The following ENTPD1 variants were observed in gnomAD, a reference collection of about 807,000 sequenced individuals.
The protein encoded by ENTPD1 is ATP diphosphohydrolase.
ENTPD1 carries 33 observed loss-of-function variants against 57.0 expected under a neutral mutation model. That is an observed-to-expected ratio of 0.58 (90% CI 0.44 to 0.77). ENTPD1 has a LOEUF of 0.77. ENTPD1 is among the 30% of genes least tolerant of loss of function. The pLI, the probability that ENTPD1 is intolerant of heterozygous loss-of-function variation, is 0.00. For missense variants in ENTPD1, 501 were observed against 603.4 expected, an observed-to-expected ratio of 0.83 and a Z score of 1.78; for synonymous variants, 202 against 218.8, an observed-to-expected ratio of 0.92 and a Z score of 0.68.
chr10:95,871,834 TA>T lies in ENTPD1; in HGVS notation c.*5453del, dbSNP rs901095298. The T allele has an allele frequency of 1.0e-6, 1 of 985,312 alleles. No individual in the cohort carries two copies. Among genetic ancestry groups the T allele is most frequent in the Admixed American group, 6.1e-5 (1 of 16,264 alleles). 61.0% of individuals were successfully genotyped at this position (985,312 alleles called of 1,614,324 possible). ...TCAGAGAACATGTATTAGTCAATGG[TA>T]AGTAAGATACTCTCATCTAAGAAAT... On this transcript the variant is annotated 3_prime_UTR_variant, in exon 10 of 10. Coordinates refer to ENST00000371205, the MANE Select transcript of ENTPD1 (RefSeq NM_001776.6).
At chr10:95,699,327 G>A in the ENTPD1 span, among the ~76,000 whole-genome samples, 1 of 152,150 alleles carries the variant, frequency 6.6e-6, no homozygotes, top group Non-Finnish European at 1.5e-5. Flanking sequence ...ATGCACATTT[G>A]GGCCAAGTGT....
intron 5 of ENTPD1, 53 bp from the exon 6 acceptor site, chr10:95,845,303 TG>T: frequency 6.2e-7 from 1 of 1,613,258 alleles, no homozygotes; most frequent in African/African-American, 1.3e-5. Flanking sequence ...ATAGATACTA[TG>T]AAAAGCAGGG....
chr10:95,769,651 G>A (rs2098107104), intron 1 of ENTPD1, among the ~76,000 whole-genome samples: 1 of 152,214 alleles, frequency 6.6e-6, no homozygotes. Context: ...TGGCTGCATT[G>A]TAGAGAACAG....
At chr10:95,793,273 A>C (rs1289083211) in intron 1 of ENTPD1, among the ~76,000 whole-genome samples, 2 of 152,218 alleles carry the variant, frequency 1.3e-5, no homozygotes, top group African/African-American at 4.8e-5. Flanking sequence ...GACGGGAGGC[A>C]TGCTGCCCCT....
chr10:95,740,895 A>G (rs1005084122), intron 1 of ENTPD1, among the ~76,000 whole-genome samples: 2 of 152,230 alleles, frequency 1.3e-5, no homozygotes, highest in African/African-American at 4.8e-5. Flanking sequence ...AAGAGAGTTA[A>G]GGTCTTGCTC....
intron 1 of ENTPD1, among the ~76,000 whole-genome samples, chr10:95,772,361 G>A (rs1019200932): frequency 6.6e-6 from 1 of 152,214 alleles, no homozygotes; most frequent in Non-Finnish European, 1.5e-5. Flanking sequence ...CAAAATTGGA[G>A]TCAATCCTCC....
At chr10:95,787,632 C>T (rs1359826367) in intron 1 of ENTPD1, among the ~76,000 whole-genome samples, 3 of 151,996 alleles carry the variant, frequency 2.0e-5, no homozygotes, top group Admixed American at 6.6e-5. Context: ...AATGACAGAG[C>T]TGGGACAGAA....
rs79608708 is a variant in ENTPD1, at chr10:95,841,695, A to G, written c.263-649A>G. 4.5e-3 allele frequency among the ~76,000 whole-genome samples: 683 copies of G among 152,356 alleles called. 3 individuals carry two copies. The highest frequency in any genetic ancestry group is 7.6e-3 in the Non-Finnish European group (520 of 68,038). The stretch of plus-strand genomic sequence containing the variant: ...TAATGTGAGATGAAAGTGTTGTTAT[A>G]ACTTCAAAAAGCTTAAGGAATCTTG... On this transcript the variant is annotated intron_variant, in intron 3 of 9. Coordinates refer to ENST00000371205, the MANE Select transcript of ENTPD1 (RefSeq NM_001776.6).
At chr10:95,699,738 G>A in the ENTPD1 span, among the ~76,000 whole-genome samples, 1 of 152,050 alleles carries the variant, frequency 6.6e-6, no homozygotes, top group Admixed American at 6.6e-5. Flanking sequence ...GACTTAAAAG[G>A]GTATATATTT....
intron 1 of ENTPD1, among the ~76,000 whole-genome samples, chr10:95,799,420 T>A (rs7915345): frequency 0.16 from 24,262 of 152,152 alleles, 2,511 homozygotes; most frequent in African/African-American, 0.28. Flanking sequence ...CCTGCATTAA[T>A]TTACTAAGGA....
Position 95,871,045 on chromosome 10 carries a change from C to T in ENTPD1, c.*4662C>T, listed in dbSNP as rs1413433695. 1.0e-6 allele frequency: 1 copy of T among 985,044 alleles called. No individual in the cohort carries two copies. Among genetic ancestry groups the T allele is most frequent in the Non-Finnish European group, 1.2e-6 (1 of 829,930 alleles). 61.0% of individuals were successfully genotyped at this position (985,044 alleles called of 1,614,324 possible). On this transcript the variant is annotated 3_prime_UTR_variant, in exon 10 of 10. Transcript: ENST00000371205. ...TGAAAGTGAGAGGAAACTAGGATGC[C>T]TCTTAAGGTCTTGGTCAGGATGGGG...
At chr10:95,724,727 G>A (rs945087736) in intron 1 of ENTPD1, among the ~76,000 whole-genome samples, 1 of 152,270 alleles carries the variant, frequency 6.6e-6, no homozygotes, top group Non-Finnish European at 1.5e-5. Flanking sequence ...GGTCTGCGAC[G>A]GTGGCAAACA....
chr10:95,848,537 C>T (rs2098439531), intron 7 of ENTPD1, among the ~76,000 whole-genome samples: 3 of 152,104 alleles, frequency 2.0e-5, no homozygotes, highest in Non-Finnish European at 4.4e-5. Flanking sequence ...TGGTGATAAT[C>T]TCAGTGCTGT....
rs182068361 is a variant in ENTPD1, at chr10:95,809,966, C to T, written c.17-13271C>T. Among the ~76,000 whole-genome samples, 728 of 143,370 alleles carry T rather than the reference C, an allele frequency of 5.1e-3. 15 individuals carry two copies. Among genetic ancestry groups the T allele is most frequent in the Non-Finnish European group, 7.2e-3 (472 of 65,784 alleles). 94.1% of individuals were successfully genotyped at this position (143,370 alleles called of 152,430 possible). ...CTCAGACGGGGCGGCCGGGCAGAGG[C>T]GCTCCTCACCTCCCAGAAAGGGCGG... On this transcript the variant is annotated intron_variant, in intron 1 of 9. Coordinates refer to ENST00000371205, the MANE Select transcript of ENTPD1 (RefSeq NM_001776.6).
intron 1 of ENTPD1, among the ~76,000 whole-genome samples, chr10:95,734,155 A>C (rs1162858744): frequency 2.6e-5 from 4 of 152,158 alleles, no homozygotes; most frequent in Non-Finnish European, 5.9e-5. Flanking sequence ...GGCAGTGAGA[A>C]TATCAGATGG....
rs1159943451 is a variant in ENTPD1 at position 95,868,666 on chromosome 10, C to T, written c.*2283C>T. 1 of 979,774 alleles carries T rather than the reference C, an allele frequency of 1.0e-6. No homozygotes were observed. Among genetic ancestry groups the T allele is most frequent in the East Asian group, 1.1e-4 (1 of 8,792 alleles). 60.7% of individuals were successfully genotyped at this position (979,774 alleles called of 1,614,324 possible). On this transcript the variant is annotated 3_prime_UTR_variant, in exon 10 of 10. Coordinates refer to ENST00000371205, the MANE Select transcript of ENTPD1 (RefSeq NM_001776.6). Reference sequence around the variant, plus strand: ...ATTTCCATTTTACAAATGAGGATCACACAAACTACTACATGGCAGAGCAGA... The same window carrying T: ...ATTTCCATTTTACAAATGAGGATCATACAAACTACTACATGGCAGAGCAGA...
intron 1 of ENTPD1, among the ~76,000 whole-genome samples, chr10:95,714,339 C>CATAA (rs749037142): frequency 1.1e-4 from 17 of 151,934 alleles, no homozygotes; most frequent in Non-Finnish European, 1.6e-4. Flanking sequence ...ATAAAATTTA[C>CATAA]ATAAATAAAT....
At position 95,844,761 on chromosome 10, in the gene ENTPD1, C is replaced by G. The variant is rs908515794; in HGVS notation, c.573+126C>G. The G allele has an allele frequency of 2.5e-6, 3 of 1,196,504 alleles. No individual in the cohort carries two copies. In the African/African-American group the frequency reaches 4.5e-5, roughly 18 times the overall value. 74.1% of individuals were successfully genotyped at this position (1,196,504 alleles called of 1,614,324 possible). A position where few individuals can be genotyped will look rare whatever the true frequency, so the allele number is the denominator to read the frequency against. ...GATAGATGGATGGATGGATGGATGA[C>G]TGGATGAATGAATTTACTCTCACAT... On this transcript the variant is annotated intron_variant, in intron 5 of 9. Transcript: ENST00000371205.
At chr10:95,814,652 G>A (rs530266768) in intron 1 of ENTPD1, among the ~76,000 whole-genome samples, 15 of 152,238 alleles carry the variant, frequency 9.9e-5, no homozygotes, top group Admixed American at 2.6e-4. Context: ...GCCAGGCTAC[G>A]TTGTTAAGAT....
Sources: allele counts gnomAD v4.1 joint callset (sites outside exome capture counted in the v4.1 genomes callset), GRCh38; gene constraint gnomAD v4.1.1; transcripts MANE v1.5; gene names NCBI Gene and HGNC (gene_info 2026-07-23, HGNC 2026-07-21).